Variants in PIP4P2 observed in about 807,000 individuals in gnomAD.
The protein encoded by PIP4P2 is phosphatidylinositol-4,5-bisphosphate 4-phosphatase 2.
PIP4P2 carries 19 observed loss-of-function variants against 33.3 expected under a neutral mutation model. The observed-to-expected ratio is 0.57, with a 90% CI of 0.40 to 0.84. The LOEUF is 0.84. Ranked by LOEUF, PIP4P2 falls within the 40% of genes least tolerant of loss-of-function variation. PIP4P2 has a pLI of 0.00. For synonymous variants in PIP4P2, 110 were observed against 111.9 expected (o/e 0.98, Z 0.11); for missense variants, 270 against 324.7 (o/e 0.83, Z 1.29).
At chr8:91,018,660 G>A (rs1032680837) in intron 3 of PIP4P2, 147 bp from the exon 4 acceptor site, 3 of 1,228,708 alleles carry the variant, frequency 2.4e-6, no homozygotes, top group East Asian at 2.5e-5. Flanking sequence ...AAACTACAAA[G>A]AGTAGCAACA....
At chr8:91,012,756 A>C (rs1811856611) in intron 4 of PIP4P2, among the ~76,000 whole-genome samples, 1 of 152,190 alleles carries the variant, frequency 6.6e-6, no homozygotes, top group African/African-American at 2.4e-5. Flanking sequence ...AGTCTCTGAA[A>C]GAGCCAGCTT....
chr8:91,001,117 GT>G (rs1185245362), intron 5 of PIP4P2, among the ~76,000 whole-genome samples: 3 of 151,988 alleles, frequency 2.0e-5, no homozygotes, highest in African/African-American at 7.2e-5. Context: ...TTCACAAGCA[GT>G]TGTAATAAAT....
chr8:91,012,215 T>C (rs1425927659), intron 4 of PIP4P2, among the ~76,000 whole-genome samples: 1 of 152,054 alleles, frequency 6.6e-6, no homozygotes, highest in Non-Finnish European at 1.5e-5. Context: ...TGACTTCAGG[T>C]TGTTTTTTTC....
intron 4 of PIP4P2, among the ~76,000 whole-genome samples, chr8:91,015,140 G>A (rs899207170): frequency 3.9e-5 from 6 of 152,146 alleles, no homozygotes; most frequent in African/African-American, 1.2e-4. Flanking sequence ...TTTGAAAAGC[G>A]TGTAAGAGCT....
chr8:91,036,786 T>C (rs909031451), intron 1 of PIP4P2, among the ~76,000 whole-genome samples: 1 of 152,234 alleles, frequency 6.6e-6, no homozygotes, highest in Non-Finnish European at 1.5e-5. Context: ...GGCTGATTCA[T>C]ATTCATTATT....
chr8:91,035,807 T>C (rs969454122), intron 1 of PIP4P2, among the ~76,000 whole-genome samples: 3 of 152,086 alleles, frequency 2.0e-5, no homozygotes, highest in African/African-American at 7.2e-5. Flanking sequence ...GGCAGGCAAA[T>C]TGCTTGAGCC....
chr8:90,996,091 T>C (rs143918317), intron 6 of PIP4P2, among the ~76,000 whole-genome samples: 1 of 152,292 alleles, frequency 6.6e-6, no homozygotes, highest in East Asian at 1.9e-4. Context: ...CTTACTATCA[T>C]GGGACACAAT....
chr8:91,018,536 A>G (rs1457987795), intron 3 of PIP4P2, 23 bp from the exon 4 acceptor site: 8 of 1,607,812 alleles, frequency 5.0e-6, no homozygotes, highest in Non-Finnish European at 6.8e-6. Flanking sequence ...AAAGGAAACA[A>G]CTTCACTATC....
chr8:91,032,919 A>T (rs1158674017), intron 1 of PIP4P2, among the ~76,000 whole-genome samples: 1 of 152,202 alleles, frequency 6.6e-6, no homozygotes, highest in Admixed American at 6.5e-5. Flanking sequence ...TTGCCCTCAA[A>T]GATAGTTATG....
chr8:91,031,861 G>GAT (rs1812168478), intron 1 of PIP4P2, among the ~76,000 whole-genome samples: 1 of 152,114 alleles, frequency 6.6e-6, no homozygotes, highest in African/African-American at 2.4e-5. Context: ...TAAATTTATA[G>GAT]ATATATTTTC....
chr8:91,028,378 G>A (rs963034844), intron 1 of PIP4P2, among the ~76,000 whole-genome samples: 8 of 152,112 alleles, frequency 5.3e-5, no homozygotes, highest in Non-Finnish European at 1.2e-4. Context: ...TATTTACAAG[G>A]CTATTTACAA....
At chr8:91,009,553 T>C (rs1395804311) in intron 4 of PIP4P2, among the ~76,000 whole-genome samples, 1 of 152,016 alleles carries the variant, frequency 6.6e-6, no homozygotes, top group Non-Finnish European at 1.5e-5. Context: ...ATTTCCTTGA[T>C]AGTTTTGGGA....
At chr8:91,031,667 A>G (rs949453386) in intron 1 of PIP4P2, among the ~76,000 whole-genome samples, 1 of 152,226 alleles carries the variant, frequency 6.6e-6, no homozygotes, top group Non-Finnish European at 1.5e-5. Flanking sequence ...TATTCTACAG[A>G]GAAATAAAAC....
chr8:91,021,641 C>G (rs1481685291), intron 1 of PIP4P2, among the ~76,000 whole-genome samples: 1 of 152,104 alleles, frequency 6.6e-6, no homozygotes, highest in African/African-American at 2.4e-5. Context: ...AGGTCTATCC[C>G]AATAACCCAG....
At chr8:91,002,206 T>C (rs1811708423) in intron 5 of PIP4P2, among the ~76,000 whole-genome samples, 1 of 152,136 alleles carries the variant, frequency 6.6e-6, no homozygotes, top group East Asian at 1.9e-4. Flanking sequence ...TGGTTGTCAC[T>C]TAATCTTCAT....
At chr8:91,029,876 A>G (rs1000404592) in intron 1 of PIP4P2, among the ~76,000 whole-genome samples, 10 of 152,134 alleles carry the variant, frequency 6.6e-5, no homozygotes, top group Non-Finnish European at 1.2e-4. Flanking sequence ...CTGAGGTAGG[A>G]GAATGGCGTG....
chr8:91,038,546 T>C lies in PIP4P2; in HGVS notation c.106+2098A>G, dbSNP rs7016813. 5.3e-5 allele frequency among the ~76,000 whole-genome samples: 8 copies of C among 151,874 alleles called. 1 individual carries two copies. Among genetic ancestry groups the C allele is most frequent in the African/African-American group, 9.7e-5 (4 of 41,342 alleles). The stretch of plus-strand genomic sequence containing the variant: ...ATTCTTTCTCCCTAATACAATATAG[T>C]CTTCATGAGGGTATGGGATTGATCA... On this transcript the variant is annotated intron_variant, in intron 1 of 6. Transcript: ENST00000285419.
chr8:91,031,880 G>A (rs1812168789), intron 1 of PIP4P2, among the ~76,000 whole-genome samples: 1 of 152,074 alleles, frequency 6.6e-6, no homozygotes, highest in Non-Finnish European at 1.5e-5. Context: ...TCCTAAGTGT[G>A]TCCAGCTTCC....
At chr8:91,021,470 G>A (rs755688076) in intron 1 of PIP4P2, 66 bp from the exon 2 acceptor site, 1 of 1,502,434 alleles carries the variant, frequency 6.7e-7, no homozygotes, top group South Asian at 1.3e-5. Flanking sequence ...TGAGTATAGA[G>A]GCAATATAAG....
Sources: allele counts gnomAD v4.1 joint callset (sites outside exome capture counted in the v4.1 genomes callset), GRCh38; gene constraint gnomAD v4.1.1; transcripts MANE v1.5; gene names NCBI Gene and HGNC (gene_info 2026-07-23, HGNC 2026-07-21).